The following ETV5 variants were observed in gnomAD, a reference collection of about 807,000 sequenced individuals.
The protein encoded by ETV5 is ETS translocation variant 5.
Under a neutral mutation model 70.0 loss-of-function variants are expected in ETV5, and 10 were observed. The ratio of observed to expected loss-of-function variants is 0.14; its 90% CI spans 0.09 to 0.24. The LOEUF (loss-of-function observed/expected upper bound fraction) is 0.24. Ranked by LOEUF, ETV5 falls within the 10% of genes least tolerant of loss-of-function variation. The pLI, the probability that ETV5 is intolerant of heterozygous loss-of-function variation, is 1.00. For missense variants in ETV5, 453 were observed against 651.2 expected (o/e 0.70, Z 3.31); for synonymous variants, 216 against 242.2 (o/e 0.89, Z 1.01).
chr3:186,051,789 T>C (rs1050131817), intron 12 of ETV5, among the ~76,000 whole-genome samples: 1 of 152,208 alleles, frequency 6.6e-6, no homozygotes, highest in Admixed American at 6.5e-5. Flanking sequence ...AGAAGCCTAA[T>C]TTTCTATTGT....
At chr3:186,058,169 G>GAAGGC (rs143516250) in intron 9 of ETV5, among the ~76,000 whole-genome samples, 7,420 of 149,348 alleles carry the variant, frequency 0.05, 238 homozygotes, top group African/African-American at 0.091. Context: ...CGAAATAAAA[G>GAAGGC]AAGGCAAGGC....
At chr3:186,074,912 T>C (rs1578549335) in intron 7 of ETV5, among the ~76,000 whole-genome samples, 4 of 140,592 alleles carry the variant, frequency 2.8e-5, no homozygotes, top group Admixed American at 2.8e-4. Flanking sequence ...GTCACAAGAA[T>C]GCAAGGTTGG....
intron 7 of ETV5, chr3:186,079,034 T>C (rs1713866635): frequency 1.9e-6 from 2 of 1,064,552 alleles, no homozygotes; most frequent in Non-Finnish European, 2.3e-6. Context: ...TGAAATACCA[T>C]GGCCACCATC....
chr3:186,107,396 T>G (rs1294775327), intron 1 of ETV5, among the ~76,000 whole-genome samples: 1 of 151,950 alleles, frequency 6.6e-6, no homozygotes. Context: ...TCAGATTAAA[T>G]CATGGCCTAA....
At chr3:186,058,395 C>T (rs1280861171) in intron 9 of ETV5, among the ~76,000 whole-genome samples, 1 of 152,232 alleles carries the variant, frequency 6.6e-6, no homozygotes, top group African/African-American at 2.4e-5. Context: ...TACTCCTTTA[C>T]CAGCACACGT....
chr3:186,088,584 A>G (rs1336132885), intron 5 of ETV5, among the ~76,000 whole-genome samples: 1 of 152,206 alleles, frequency 6.6e-6, no homozygotes, highest in African/African-American at 2.4e-5. Context: ...ACACCTGCCC[A>G]TACTATTAAT....
chr3:186,098,197 GCA>G (rs1435970314), intron 5 of ETV5, among the ~76,000 whole-genome samples: 1 of 152,242 alleles, frequency 6.6e-6, no homozygotes, highest in Non-Finnish European at 1.5e-5. Context: ...GTGCCCTCTG[GCA>G]AAACGGGAAA....
intron 5 of ETV5, among the ~76,000 whole-genome samples, chr3:186,082,833 C>T (rs1713964530): frequency 6.6e-6 from 1 of 152,238 alleles, no homozygotes; most frequent in African/African-American, 2.4e-5. Context: ...GAATACGAGA[C>T]AGATGACTCT....
At chr3:186,073,185 G>A (rs148630309) in intron 7 of ETV5, among the ~76,000 whole-genome samples, 35 of 152,246 alleles carry the variant, frequency 2.3e-4, no homozygotes, top group Non-Finnish European at 4.7e-4. Context: ...AAAGATCAGG[G>A]AGAAAGGCAG....
At position 186,053,113 on chromosome 3, in the gene ETV5, A is replaced by G. The variant is rs148242639; in HGVS notation, c.1210-982T>C. On this transcript the variant is annotated intron_variant, in intron 11 of 12. Transcript: ENST00000306376. ...ATATTCCTTCGATTATTTTATTTTT[A>G]TTTTCTGAGATGGAGTCTCACTCTG... Among the ~76,000 whole-genome samples, 307 of 151,326 alleles carry G rather than the reference A, an allele frequency of 2.0e-3. 2 individuals carry two copies. The highest frequency in any genetic ancestry group is 6.9e-3 in the African/African-American group (285 of 41,328).
intron 11 of ETV5, among the ~76,000 whole-genome samples, chr3:186,055,575 G>C (rs974301539): frequency 1.3e-5 from 2 of 152,264 alleles, no homozygotes; most frequent in Non-Finnish European, 1.5e-5. Context: ...TTCCATTCTC[G>C]TGAGTGAATA....
At chr3:186,108,507 A>G (rs1181993261) in intron 1 of ETV5, 2 of 1,276,376 alleles carry the variant, frequency 1.6e-6, no homozygotes, top group East Asian at 5.6e-5. Context: ...CCTCTCAGAC[A>G]TTCCCCTCAA....
At position 186,105,563 on chromosome 3, in the gene ETV5, TCTACACG is replaced by T; in HGVS notation, c.133+55_133+61del. ...TCGCTAGGGAGAAGACAGGGAAGAA[TCTACACG>T]CTACTGTCACTGGGAGCAGGGAAGC... On this transcript the variant is annotated intron_variant, in intron 3 of 12. Transcript: ENST00000306376. This position sits in a 1 kb window ranked among gnomAD's most constrained non-coding sequence, Gnocchi z 4.5. 1 of 1,612,182 alleles carries T rather than the reference TCTACACG, an allele frequency of 6.2e-7. No homozygotes were observed. Among genetic ancestry groups the T allele is most frequent in the South Asian group, 1.1e-5 (1 of 91,036 alleles).
In ETV5 at chr3:186,048,815, C is replaced by A. The variant is rs2150140075; in HGVS notation, c.1357G>T (p.Ala453Ser). 2 of 1,614,102 alleles carry A rather than the reference C, an allele frequency of 1.2e-6. No individual in the cohort carries two copies. Among genetic ancestry groups the A allele is most frequent in the Non-Finnish European group, 1.7e-6 (2 of 1,180,012 alleles). The change falls in exon 13 of 13, where the codon GCC becomes TCC. Residue 453 changes from alanine (A) to serine (S), a missense_variant. Coordinates refer to ENST00000306376, the MANE Select transcript of ETV5 (RefSeq NM_004454.3). ...YVYKFVCDPDALFSMAFPDNQ... is the reference protein window; with the variant it reads ...YVYKFVCDPDSLFSMAFPDNQ... ...TCCGGGAAAGCCATGGAGAAGAGGG[C>A]ATCTGGGTCACAGACAAATTTGTAG...
chr3:186,098,340 T>A (rs1205036314), intron 5 of ETV5, among the ~76,000 whole-genome samples: 1 of 152,298 alleles, frequency 6.6e-6, no homozygotes, highest in East Asian at 1.9e-4. Context: ...CAACTCTCTC[T>A]GGAAGCCTGC....
intron 5 of ETV5, among the ~76,000 whole-genome samples, chr3:186,101,842 T>A (rs1244684068): frequency 6.6e-6 from 1 of 152,186 alleles, no homozygotes; most frequent in African/African-American, 2.4e-5. Flanking sequence ...ACAAAGGACA[T>A]CCAACTCAAG....
chr3:186,105,249 T>A lies in ETV5; in HGVS notation c.232+56A>T, dbSNP rs1258793391. ...GAAAAAAGCATATTCTAGACATGGA[T>A]GATCTAAGACCAAACAATTTCAGAA... On this transcript the variant is annotated intron_variant, in intron 5 of 12. Transcript: ENST00000306376. This position sits in a 1 kb window ranked among gnomAD's most constrained non-coding sequence, Gnocchi z 4.5. The A allele has an allele frequency of 6.8e-7, 1 of 1,472,420 alleles. No homozygotes were observed. Among genetic ancestry groups the A allele is most frequent in the Admixed American group, 1.9e-5 (1 of 53,236 alleles). The allele number at this position is 1,472,420 out of a possible 1,614,324, so 91.2% of individuals were successfully genotyped here. A position where few individuals can be genotyped will look rare whatever the true frequency, so the allele number is the denominator to read the frequency against.
chr3:186,094,682 C>T (rs775704167), intron 5 of ETV5, among the ~76,000 whole-genome samples: 10 of 152,152 alleles, frequency 6.6e-5, no homozygotes, highest in African/African-American at 1.2e-4. Flanking sequence ...AGACCAACTT[C>T]GATTGAAGTA....
rs977562748 is a variant in ETV5, at chr3:186,053,265, C to A, written c.1210-1134G>T. On this transcript the variant is annotated intron_variant, in intron 11 of 12. Transcript: ENST00000306376. ...TACAGGTGTCCATTGTCATGCCCAA[C>A]TAATTTTTGTATTTTTAGTAGAGAT... 2.6e-5 allele frequency among the ~76,000 whole-genome samples: 4 copies of A among 152,086 alleles called. No individual in the cohort carries two copies. The East Asian group carries it at 7.7e-4, about 29-fold the overall frequency.
Sources: gnomAD v4.1 joint callset for allele counts (sites outside exome capture counted in the v4.1 genomes callset) on GRCh38, gnomAD v4.1.1 for gene constraint, Gnocchi (gnomAD v3.1) non-coding constraint, MANE v1.5 for transcripts, NCBI Gene and HGNC (gene_info 2026-07-23, HGNC 2026-07-21) for gene names.